CARD14: variants seen among roughly 807,000 people sequenced by gnomAD.
CARD14 encodes the protein caspase recruitment domain family member 14, also known as caspase recruitment domain-containing protein 14.
A neutral mutation model predicts 111.5 loss-of-function variants in CARD14; 107 were observed. The ratio of observed to expected loss-of-function variants is 0.96; its 90% confidence interval spans 0.82 to 1.13. The LOEUF (loss-of-function observed/expected upper bound fraction) is 1.13. Ranked by LOEUF, CARD14 falls within the 50% of genes most tolerant of loss-of-function variation. The pLI is 0.00. For missense variants in CARD14, 1,322 were observed against 1,362.3 expected, an observed-to-expected ratio of 0.97 and a Z score of 0.47; for synonymous variants, 617 against 579.6, an observed-to-expected ratio of 1.06 and a Z score of -0.93.
At chr17:80,183,834 G>A (rs1231347550) in intron 6 of CARD14, 79 bp from the exon 7 acceptor site, 6 of 1,193,000 alleles carry the variant, frequency 5.0e-6, no homozygotes, top group Admixed American at 6.2e-5. Context: ...CTGCCCACCT[G>A]CTCACCTGCT....
intron 18 of CARD14, 108 bp downstream of exon 18, chr17:80,202,528 G>T (rs2041040824): frequency 6.6e-7 from 1 of 1,503,930 alleles, no homozygotes; most frequent in African/African-American, 1.4e-5. Context: ...GGTGGGCGTG[G>T]TGAGACCCCC....
At chr17:80,208,016 C>T in intron 23 of CARD14, 122 bp from the exon 24 acceptor site, 1 of 644,316 alleles carries the variant, frequency 1.6e-6, no homozygotes, top group Non-Finnish European at 2.5e-6. Context: ...TTTACAAGGT[C>T]CCCTCAAAGC....
rs536987761 is a variant in CARD14, at chr17:80,182,367, C to T, written c.212-286C>T. Among the ~76,000 whole-genome samples, 193 of 152,350 alleles carry T rather than the reference C, an allele frequency of 1.3e-3. 1 individual carries two copies. Among genetic ancestry groups the T allele is most frequent in the African/African-American group, 7.2e-4 (30 of 41,586 alleles). On this transcript the variant is annotated intron_variant, in intron 5 of 23. Transcript: ENST00000648509. The surrounding 1 kb of genome is among the most constrained non-coding windows in gnomAD (Gnocchi z 4.7). ...AGGGACCCACCTCCTCACCCCGTCC[C>T]GGTCCCCCCGCACTCGCCAGAGCAC...
At chr17:80,176,805 CA>C (rs1384023365) in intron 2 of CARD14, among the ~76,000 whole-genome samples, 1 of 152,204 alleles carries the variant, frequency 6.6e-6, no homozygotes, top group Non-Finnish European at 1.5e-5. Flanking sequence ...GGCAGAGGAT[CA>C]TTCTGACTTG....
At position 80,195,512 on chromosome 17, in the gene CARD14, G is replaced by T. The variant is rs760316201; in HGVS notation, c.1500-46G>T. Reference sequence around the variant, plus strand: ...GTGCTTGGGGCGTGGGGACTCAGAGGGAGCAGGTGATGCAGTTTGAGCCTG... The same window carrying T: ...GTGCTTGGGGCGTGGGGACTCAGAGTGAGCAGGTGATGCAGTTTGAGCCTG... On this transcript the variant is annotated intron_variant, in intron 13 of 23. Transcript: ENST00000648509. The surrounding 1 kb of genome is among the most constrained non-coding windows in gnomAD (Gnocchi z 4.7). 26 of 1,569,118 alleles carry T rather than the reference G, an allele frequency of 1.7e-5. No homozygotes were observed. Among genetic ancestry groups the T allele is most frequent in the South Asian group, 2.3e-5 (2 of 87,354 alleles).
In CARD14 at chr17:80,191,405, A is replaced by C. The variant is rs2040523898; in HGVS notation, c.1172A>C (p.Glu391Ala). The stretch of plus-strand genomic sequence containing the variant: ...GACTCCCTCCGCAGGCAGGTGTTCG[A>C]GCTGACGGACCAGGTCTGCGAGCTG... The part of the protein sequence containing the change: ...EKDSLRRQVF[E>A]LTDQVCELRT... Residue 391 changes from glutamate (E) to alanine (A), a missense_variant, in exon 11 of 24, where the codon GAG becomes GCG. Glu to Ala is a moderately radical substitution (Grantham distance 107, BLOSUM62 -1). Coordinates refer to ENST00000648509, the MANE Select transcript of CARD14 (RefSeq NM_001366385.1). 1.2e-6 allele frequency: 2 copies of C among 1,613,772 alleles called. No homozygotes were observed. The highest frequency in any genetic ancestry group is 1.7e-6 in the Non-Finnish European group (2 of 1,179,988).
Position 80,195,837 on chromosome 17 carries a change from G to A in CARD14, c.1594+185G>A, listed in dbSNP as rs750541. The A allele has an allele frequency of 0.34, 201,759 of 591,042 alleles. 35,216 individuals are homozygous for A. The highest frequency in any genetic ancestry group is 0.43 in the East Asian group (14,834 of 34,564). The allele number at this position is 591,042 out of a possible 1,614,324, so 36.6% of individuals were successfully genotyped here. On this transcript the variant is annotated intron_variant, in intron 14 of 23. Coordinates refer to ENST00000648509, the MANE Select transcript of CARD14 (RefSeq NM_001366385.1). This position sits in a 1 kb window ranked among gnomAD's most constrained non-coding sequence, Gnocchi z 4.7. Reference sequence around the variant, plus strand: ...GGGAAAGTCCCGCCTGCCAGCCAGCGTAAGCCAAAGGCCGGCTGCGCTCTG... The same window carrying A: ...GGGAAAGTCCCGCCTGCCAGCCAGCATAAGCCAAAGGCCGGCTGCGCTCTG...
At chr17:80,206,787 TAAAAA>T (rs1443432661) in intron 22 of CARD14, 178 bp from the exon 23 acceptor site, 2 of 414,706 alleles carry the variant, frequency 4.8e-6, no homozygotes, top group African/African-American at 2.1e-5. Context: ...AAAATAAAAA[TAAAAA>T]AAAGAGAGAA....
intron 2 of CARD14, among the ~76,000 whole-genome samples, chr17:80,177,060 A>T (rs1423098612): frequency 6.6e-6 from 1 of 152,140 alleles, no homozygotes; most frequent in Non-Finnish European, 1.5e-5. Flanking sequence ...TCCAGGGGTG[A>T]GCAGGGCCGC....
chr17:80,190,628 A>AAAG (rs1555612455), intron 9 of CARD14, 146 bp from the exon 10 acceptor site: 20 of 482,652 alleles, frequency 4.1e-5, no homozygotes, highest in Non-Finnish European at 5.0e-5. Flanking sequence ...AAAAAAAAAA[A>AAAG]AGAGAGAGAG....
chr17:80,202,334 G>C lies in CARD14; in HGVS notation c.2133G>C (p.Gln711His). Residue 711 changes from glutamine to histidine, a missense_variant, in exon 18 of 24, where the codon CAG becomes CAC. By Grantham distance (24) the Gln-to-His change is conservative. Transcript: ENST00000648509. ...TGCACGTCACCGACACCATGTTCCA[G>C]GGCTGCGGCTGCTGGCATGCCCACC... The part of the protein sequence containing the change: ...EVLHVTDTMF[Q>H]GCGCWHAHRV... The C allele has an allele frequency of 6.2e-7, 1 of 1,613,664 alleles. No homozygotes were observed. Among genetic ancestry groups the C allele is most frequent in the Non-Finnish European group, 8.5e-7 (1 of 1,180,024 alleles).
intron 7 of CARD14, among the ~76,000 whole-genome samples, chr17:80,184,472 T>C (rs941095475): frequency 5.3e-5 from 8 of 152,178 alleles, no homozygotes; most frequent in Admixed American, 1.3e-4. Flanking sequence ...GTCCAGTAGC[T>C]GCCCGTGGCC....
Position 80,205,664 on chromosome 17 carries a change from G to T in CARD14, c.2691+12G>T. The T allele has an allele frequency of 6.5e-7, 1 of 1,544,652 alleles. No homozygotes were observed. Among genetic ancestry groups the T allele is most frequent in the South Asian group, 1.2e-5 (1 of 80,532 alleles). ...CCCTCATGGAAAAGGTGAGGTCAAG[G>T]GCGGGGTGGGCAGGGGAGCTGTCCT... On this transcript the variant is annotated intron_variant, in intron 22 of 23. Coordinates refer to ENST00000648509, the MANE Select transcript of CARD14 (RefSeq NM_001366385.1).
chr17:80,175,704 G>A lies in CARD14; in HGVS notation c.-367+2476G>A, dbSNP rs545751352. On this transcript the variant is annotated intron_variant, in intron 2 of 23. Coordinates refer to ENST00000648509, the MANE Select transcript of CARD14 (RefSeq NM_001366385.1). ...CAGGAGCTGGCAAGAGAGGAACCCC[G>A]CTTGTGGTGGGGACGCTGAACAGGC... Among the ~76,000 whole-genome samples the A allele has an allele frequency of 7.9e-5, 12 of 152,284 alleles. No homozygotes were observed. In the South Asian group the frequency reaches 2.1e-3, roughly 26 times the overall value.
intron 2 of CARD14, among the ~76,000 whole-genome samples, chr17:80,178,117 C>T (rs575328291): frequency 4.1e-4 from 62 of 152,322 alleles, no homozygotes; most frequent in African/African-American, 1.5e-3. Flanking sequence ...CACCTGCCCA[C>T]CCCGGCCTCT....
chr17:80,192,511 G>T lies in CARD14; in HGVS notation c.1248G>T (p.Gln416His). 6.2e-7 allele frequency: 1 copy of T among 1,613,334 alleles called. No individual in the cohort carries two copies. Among genetic ancestry groups the T allele is most frequent in the East Asian group, 2.2e-5 (1 of 44,864 alleles). ...LQAEPPGVLK[Q>H]EARTREPCPR... ...TGGCCTGTCTTTGGCAGCTCAAGCA[G>T]GAAGCCAGGACCAGGGAGCCCTGTC... The change falls in exon 12 of 24, where the codon CAG becomes CAT. Residue 416 changes from glutamine (Q) to histidine (H), a missense_variant. By Grantham distance (24) the Gln-to-His change is conservative. Coordinates refer to ENST00000648509, the MANE Select transcript of CARD14 (RefSeq NM_001366385.1).
At chr17:80,172,206 C>G (rs2144066458) in intron 1 of CARD14, among the ~76,000 whole-genome samples, 1 of 152,334 alleles carries the variant, frequency 6.6e-6, no homozygotes, top group Admixed American at 6.5e-5. Flanking sequence ...GCCATTGGCC[C>G]CAAAGAAAGG....
chr17:80,208,530 G>C lies in CARD14; in HGVS notation c.*185G>C. The C allele has an allele frequency of 1.9e-6, 1 of 531,990 alleles. No homozygotes were observed. The highest frequency in any genetic ancestry group is 3.0e-5 in the South Asian group (1 of 33,364). 33.0% of individuals were successfully genotyped at this position (531,990 alleles called of 1,614,324 possible). A position where few individuals can be genotyped will look rare whatever the true frequency, so the allele number is the denominator to read the frequency against. ...CAGGTCACACACAGTGAAGCCACTT[G>C]TAACTGCACACTTTTCTGTGGAAAC... On this transcript the variant is annotated 3_prime_UTR_variant, in exon 24 of 24. Coordinates refer to ENST00000648509, the MANE Select transcript of CARD14 (RefSeq NM_001366385.1).
intron 2 of CARD14, among the ~76,000 whole-genome samples, chr17:80,173,882 C>A (rs991688625): frequency 6.6e-6 from 1 of 152,040 alleles, no homozygotes; most frequent in Admixed American, 6.6e-5. Flanking sequence ...CAGGCGTGAA[C>A]CATCGCGCCC....
Sources: gnomAD v4.1 joint callset for allele counts (sites outside exome capture counted in the v4.1 genomes callset) on GRCh38, gnomAD v4.1.1 for gene constraint, Gnocchi (gnomAD v3.1) non-coding constraint, MANE v1.5 for transcripts, NCBI Gene and HGNC (gene_info 2026-07-23, HGNC 2026-07-21) for gene names.